The following MTBP variants were observed in gnomAD, a reference collection of about 807,000 sequenced individuals.
The protein encoded by MTBP is MDM2 binding protein.
Under a neutral mutation model 117.0 loss-of-function variants are expected in MTBP, and 101 were observed. The ratio of observed to expected loss-of-function variants is 0.86; its 90% CI spans 0.73 to 1.02. The LOEUF is 1.02. Among genes scored for constraint, MTBP ranks in the 50% least tolerant of loss-of-function variants. The probability of loss-of-function intolerance (pLI) is 0.00; values close to 1 mark genes in which losing one functional copy is unlikely to be tolerated. For synonymous variants in MTBP, 350 were observed against 351.5 expected (o/e 1.00, Z 0.05); for missense variants, 970 against 1,030.9 (o/e 0.94, Z 0.81).
At chr8:120,485,894 C>A (rs1814203524) in intron 11 of MTBP, among the ~76,000 whole-genome samples, 1 of 152,164 alleles carries the variant, frequency 6.6e-6, no homozygotes, top group Admixed American at 6.5e-5. Context: ...GCCACATTCA[C>A]CCTGGGAATC....
At chr8:120,514,559 G>C (rs1480814302) in intron 17 of MTBP, among the ~76,000 whole-genome samples, 1 of 151,950 alleles carries the variant, frequency 6.6e-6, no homozygotes, top group Non-Finnish European at 1.5e-5. Context: ...GCCATGTGTT[G>C]AACAGGAGTA....
At chr8:120,520,138 T>A (rs558390549) in intron 20 of MTBP, among the ~76,000 whole-genome samples, 1 of 152,146 alleles carries the variant, frequency 6.6e-6, no homozygotes, top group East Asian at 1.9e-4. Flanking sequence ...ACACAATTGA[T>A]GCCAAAACAT....
intron 9 of MTBP, 38 bp from the exon 10 acceptor site, chr8:120,463,654 G>C: frequency 6.8e-7 from 1 of 1,471,026 alleles, no homozygotes; most frequent in Non-Finnish European, 9.3e-7. Context: ...ATTGTTTCAT[G>C]GGTACCATTA....
intron 11 of MTBP, among the ~76,000 whole-genome samples, chr8:120,475,748 T>G (rs1362636982): frequency 2.0e-5 from 3 of 151,986 alleles, no homozygotes; most frequent in African/African-American, 7.2e-5. Context: ...CTTATTACAT[T>G]TCAAAAGAAA....
chr8:120,466,045 A>G (rs1348845365), intron 10 of MTBP, among the ~76,000 whole-genome samples: 2 of 152,164 alleles, frequency 1.3e-5, no homozygotes, highest in East Asian at 1.9e-4. Context: ...GTAAAATATT[A>G]CAACATACTT....
At chr8:120,457,236 A>T (rs1813487853) in intron 7 of MTBP, among the ~76,000 whole-genome samples, 2 of 152,188 alleles carry the variant, frequency 1.3e-5, no homozygotes, top group Admixed American at 1.3e-4. Context: ...CTGAATTTCT[A>T]TGAAATTTCT....
intron 2 of MTBP, among the ~76,000 whole-genome samples, chr8:120,446,738 A>C (rs1262873721): frequency 6.6e-6 from 1 of 152,064 alleles, no homozygotes; most frequent in African/African-American, 2.4e-5. Context: ...TCTCAGCTTG[A>C]ATTTTGCTCC....
rs569491507 is a variant in MTBP at position 120,520,797 on chromosome 8, A to G, written c.2611-1857A>G. ...TGCATTTCTAGAATTAAAAAAAGAA[A>G]AAAGAAAAAAGAAAAGAAACTTCTG... On this transcript the variant is annotated intron_variant, in intron 20 of 21. Coordinates refer to ENST00000305949, the MANE Select transcript of MTBP (RefSeq NM_022045.5). Among the ~76,000 whole-genome samples the G allele has an allele frequency of 4.6e-5, 7 of 152,166 alleles. No homozygotes were observed. In the East Asian group the frequency reaches 1.3e-3, roughly 29 times the overall value.
At chr8:120,490,258 A>G (rs7839548) in intron 12 of MTBP, among the ~76,000 whole-genome samples, 3 of 152,082 alleles carry the variant, frequency 2.0e-5, no homozygotes, top group African/African-American at 7.2e-5. Flanking sequence ...GTCAATGTTT[A>G]AAATGCAAAA....
chr8:120,506,682 A>C, intron 15 of MTBP, 24 bp from the exon 16 acceptor site: 1 of 1,544,008 alleles, frequency 6.5e-7, no homozygotes, highest in Middle Eastern at 1.7e-4. Context: ...CTTTTAATAA[A>C]TCTGCATAAC....
At chr8:120,476,100 G>A (rs1279134009) in intron 11 of MTBP, among the ~76,000 whole-genome samples, 1 of 151,960 alleles carries the variant, frequency 6.6e-6, no homozygotes, top group Admixed American at 6.6e-5. Context: ...ACCTAATTTT[G>A]AATGTATCTA....
intron 14 of MTBP, among the ~76,000 whole-genome samples, chr8:120,500,694 TA>T (rs767445862): frequency 1.0e-3 from 156 of 152,338 alleles, no homozygotes; most frequent in Admixed American, 2.2e-3. Context: ...CAAGGTTAAA[TA>T]GTTTAATAAG....
chr8:120,497,634 AT>A (rs1814498544), intron 14 of MTBP, 80 bp downstream of exon 14: 1 of 848,588 alleles, frequency 1.2e-6, no homozygotes, highest in Non-Finnish European at 1.8e-6. Flanking sequence ...TATAAAATGT[AT>A]TGGTCAAATC....
intron 11 of MTBP, chr8:120,471,154 G>A (rs1431509083): frequency 4.9e-6 from 2 of 404,728 alleles, no homozygotes; most frequent in Non-Finnish European, 8.8e-6. Context: ...TGATCTAAAG[G>A]CAGAACTCTT....
rs368639836 is a variant in MTBP at position 120,493,481 on chromosome 8, G to T, written c.1447+2911G>T. Among the ~76,000 whole-genome samples the T allele has an allele frequency of 7.2e-4, 106 of 147,162 alleles. 1 individual carries two copies. The highest frequency in any genetic ancestry group is 2.5e-3 in the African/African-American group (97 of 38,424). Reference sequence around the variant, plus strand: ...GTGTGTGTGTGTATGTGTGTGTGGGGGTGTATATATATAATTTTTTTTTTT... The same window carrying T: ...GTGTGTGTGTGTATGTGTGTGTGGGTGTGTATATATATAATTTTTTTTTTT... On this transcript the variant is annotated intron_variant, in intron 13 of 21. Coordinates refer to ENST00000305949, the MANE Select transcript of MTBP (RefSeq NM_022045.5).
At chr8:120,496,435 G>C (rs1298248881) in intron 13 of MTBP, among the ~76,000 whole-genome samples, 1 of 152,120 alleles carries the variant, frequency 6.6e-6, no homozygotes, top group African/African-American at 2.4e-5. Context: ...TATCTGTCAA[G>C]CTTCACTATA....
chr8:120,479,379 A>G (rs375337646), intron 11 of MTBP, among the ~76,000 whole-genome samples: 4 of 152,228 alleles, frequency 2.6e-5, no homozygotes, highest in African/African-American at 9.6e-5. Context: ...TAGGATTTTG[A>G]AAGAAATTTT....
intron 11 of MTBP, among the ~76,000 whole-genome samples, chr8:120,487,629 A>G (rs1351097132): frequency 6.6e-6 from 1 of 152,192 alleles, no homozygotes; most frequent in Non-Finnish European, 1.5e-5. Context: ...TTTGCTTTTA[A>G]AATATACTAG....
chr8:120,494,719 A>G (rs1814415605), intron 13 of MTBP, among the ~76,000 whole-genome samples: 1 of 152,200 alleles, frequency 6.6e-6, no homozygotes, highest in Admixed American at 6.5e-5. Flanking sequence ...TTATAATTTT[A>G]TAAATAAGTT....
Sources: allele counts gnomAD v4.1 joint callset (sites outside exome capture counted in the v4.1 genomes callset), GRCh38; gene constraint gnomAD v4.1.1; transcripts MANE v1.5; gene names NCBI Gene and HGNC (gene_info 2026-07-23, HGNC 2026-07-21).